The following NAALAD2 variants were observed in gnomAD, a reference collection of about 807,000 sequenced individuals.
The protein encoded by NAALAD2 is N-acetylated-alpha-linked acidic dipeptidase 2.
Under a neutral mutation model 95.6 loss-of-function variants are expected in NAALAD2, and 89 were observed. That is an observed-to-expected ratio of 0.93 (90% confidence interval 0.78 to 1.11). NAALAD2 has a LOEUF of 1.11. NAALAD2 is among the 50% of genes least tolerant of loss of function. NAALAD2 has a pLI of 0.00. For synonymous variants in NAALAD2, 264 were observed against 294.4 expected (o/e 0.90, Z 1.06); for missense variants, 894 against 872.4 (o/e 1.02, Z -0.31).
intron 6 of NAALAD2, among the ~76,000 whole-genome samples, chr11:90,155,838 A>G (rs944652310): frequency 2.0e-5 from 2 of 99,402 alleles, no homozygotes; most frequent in Non-Finnish European, 3.6e-5. Context: ...TATATGTAAT[A>G]TATATGTTAT....
At chr11:90,157,188 T>C (rs1394929929) in intron 6 of NAALAD2, among the ~76,000 whole-genome samples, 1 of 152,170 alleles carries the variant, frequency 6.6e-6, no homozygotes, top group East Asian at 1.9e-4. Context: ...CAGCAGTCAA[T>C]TATCTCATGA....
chr11:90,175,928 ATGTG>A (rs140876943), intron 14 of NAALAD2, 40 bp from the exon 15 acceptor site: 177 of 970,774 alleles, frequency 1.8e-4, no homozygotes, highest in Non-Finnish European at 2.2e-4. Flanking sequence ...TTACTTGTTT[ATGTG>A]TGTGTGTGTG....
At chr11:90,137,114 A>G (rs889539279) in intron 2 of NAALAD2, among the ~76,000 whole-genome samples, 2 of 152,142 alleles carry the variant, frequency 1.3e-5, no homozygotes, top group African/African-American at 4.8e-5. Context: ...GCACAGAAAG[A>G]CACATATTGC....
chr11:90,191,736 GAAGT>G lies in NAALAD2; in HGVS notation c.2214_2217del (p.Glu738AspfsTer11). The G allele has an allele frequency of 6.3e-7, 1 of 1,583,730 alleles. No homozygotes were observed. The highest frequency in any genetic ancestry group is 8.6e-7 in the Non-Finnish European group (1 of 1,166,238). On this transcript the variant is annotated frameshift_variant, in exon 19 of 19. Coordinates refer to ENST00000534061, the MANE Select transcript of NAALAD2 (RefSeq NM_005467.4). LOFTEE classifies it high-confidence loss of function. ...TCAAGCAGCAGCAGGAACTCTGAAA[GAAGT>G]ATTATAGAAGGTCTCAAGTGGCTAG...
chr11:90,163,167 C>T, intron 9 of NAALAD2, 133 bp downstream of exon 9: 1 of 1,229,758 alleles, frequency 8.1e-7, no homozygotes, highest in Non-Finnish European at 1.1e-6. Flanking sequence ...GAAAACTGTA[C>T]AAATCTAAAA....
chr11:90,147,221 G>A, intron 2 of NAALAD2, 109 bp from the exon 3 acceptor site: 1 of 847,274 alleles, frequency 1.2e-6, no homozygotes, highest in Non-Finnish European at 1.8e-6. Context: ...CTGTCATATA[G>A]GAATGACAAC....
chr11:90,168,159 T>G (rs1952530762), intron 11 of NAALAD2, among the ~76,000 whole-genome samples: 1 of 151,944 alleles, frequency 6.6e-6, no homozygotes, highest in Non-Finnish European at 1.5e-5. Context: ...TGGGCCGCCT[T>G]AAGAGTAACA....
At chr11:90,188,392 C>T (rs760488974) in intron 18 of NAALAD2, among the ~76,000 whole-genome samples, 1 of 152,050 alleles carries the variant, frequency 6.6e-6, no homozygotes, top group East Asian at 1.9e-4. Flanking sequence ...GAATAAAAAA[C>T]GTGTCTTAGT....
intron 11 of NAALAD2, 22 bp downstream of exon 11, chr11:90,163,639 CTTA>C: frequency 1.2e-6 from 2 of 1,610,392 alleles, no homozygotes; most frequent in Non-Finnish European, 1.7e-6. Flanking sequence ...AAAGAAGGTT[CTTA>C]TTATTTTTTT....
At chr11:90,145,633 A>G (rs1016914798) in intron 2 of NAALAD2, among the ~76,000 whole-genome samples, 1 of 152,160 alleles carries the variant, frequency 6.6e-6, no homozygotes, top group Non-Finnish European at 1.5e-5. Context: ...ATAGAGAAAG[A>G]CATCTTCTGA....
chr11:90,156,996 G>C (rs1417044608), intron 6 of NAALAD2, among the ~76,000 whole-genome samples: 1 of 152,082 alleles, frequency 6.6e-6, no homozygotes, highest in Non-Finnish European at 1.5e-5. Flanking sequence ...ACTGAGACAT[G>C]TCTTATGGCC....
At chr11:90,170,181 A>G (rs1341867804) in intron 13 of NAALAD2, 45 bp downstream of exon 13, 4 of 1,136,280 alleles carry the variant, frequency 3.5e-6, no homozygotes, top group Middle Eastern at 2.0e-4. Flanking sequence ...TTGAATGGAT[A>G]AATGAATAAC....
chr11:90,169,912 A>G (rs955182050), intron 12 of NAALAD2, among the ~76,000 whole-genome samples, 157 bp from the exon 13 acceptor site: 1 of 152,044 alleles, frequency 6.6e-6, no homozygotes, highest in Non-Finnish European at 1.5e-5. Context: ...CTTGCTCCTG[A>G]AGAACTATTT....
At chr11:90,141,940 C>T (rs1347709254) in intron 2 of NAALAD2, among the ~76,000 whole-genome samples, 1 of 152,102 alleles carries the variant, frequency 6.6e-6, no homozygotes, top group Non-Finnish European at 1.5e-5. Flanking sequence ...AACTCCATTA[C>T]TCTGTTGAAT....
At chr11:90,163,729 G>T in intron 11 of NAALAD2, 112 bp downstream of exon 11, 1 of 1,020,620 alleles carries the variant, frequency 9.8e-7, no homozygotes. Flanking sequence ...GTTTTGTTTT[G>T]GAGAATGACT....
intron 18 of NAALAD2, among the ~76,000 whole-genome samples, chr11:90,185,693 T>C (rs767191432): frequency 2.0e-5 from 3 of 152,152 alleles, no homozygotes; most frequent in Non-Finnish European, 4.4e-5. Flanking sequence ...GATTTGACTC[T>C]TGTGAAAATA....
chr11:90,158,709 A>C (rs1952198296), intron 7 of NAALAD2: 1 of 173,382 alleles, frequency 5.8e-6, no homozygotes, highest in Non-Finnish European at 1.2e-5. Flanking sequence ...TCATATGAGT[A>C]AAATACATAG....
intron 14 of NAALAD2, among the ~76,000 whole-genome samples, chr11:90,174,792 G>T (rs1191953034): frequency 5.3e-5 from 8 of 151,478 alleles, no homozygotes; most frequent in African/African-American, 1.9e-4. Flanking sequence ...CTACTGTAGT[G>T]CCATTTCTAA....
chr11:90,155,133 C>T (rs957647930), intron 6 of NAALAD2, among the ~76,000 whole-genome samples: 10 of 122,060 alleles, frequency 8.2e-5, no homozygotes, highest in East Asian at 6.9e-4. Context: ...ATATAATATA[C>T]GTATACATAT....
Sources: allele counts gnomAD v4.1 joint callset (sites outside exome capture counted in the v4.1 genomes callset), GRCh38; gene constraint gnomAD v4.1.1; transcripts MANE v1.5; gene names NCBI Gene and HGNC (gene_info 2026-07-23, HGNC 2026-07-21).